Variants in ZFP28 observed in about 807,000 individuals in gnomAD.
The protein encoded by ZFP28 is zinc finger protein 28 homolog.
In ZFP28, 31 loss-of-function variants were observed where a neutral mutation model predicts 39.5. The observed-to-expected ratio is 0.79, with a 90% CI of 0.59 to 1.06. The LOEUF (loss-of-function observed/expected upper bound fraction) is 1.06. Among genes scored for constraint, ZFP28 ranks in the 50% least tolerant of loss-of-function variants. The pLI is 0.00. For synonymous variants in ZFP28, 400 were observed against 378.6 expected (o/e 1.06, Z -0.66); for missense variants, 925 against 1,048.4 (o/e 0.88, Z 1.63).
Position 56,547,266 on chromosome 19 carries a change from C to G in ZFP28, c.301-242C>G, listed in dbSNP as rs1436299213. On this transcript the variant is annotated intron_variant, in intron 2 of 7. Coordinates refer to ENST00000301318, the MANE Select transcript of ZFP28 (RefSeq NM_020828.2). This position sits in a 1 kb window ranked among gnomAD's most constrained non-coding sequence, Gnocchi z 4.6. ...TCCCTGTGCCTGCACACCGTGGTAT[C>G]TCTTCCTGTTTTAATAAGGACACCA... 22 of 517,166 alleles carry G rather than the reference C, an allele frequency of 4.3e-5. No individual in the cohort carries two copies. Among genetic ancestry groups the G allele is most frequent in the African/African-American group, 4.1e-4 (21 of 50,894 alleles). 32.0% of individuals were successfully genotyped at this position (517,166 alleles called of 1,614,324 possible).
chr19:56,551,439 C>G (rs1360083710), intron 7 of ZFP28: 1 of 985,336 alleles, frequency 1.0e-6, no homozygotes, highest in African/African-American at 1.7e-5. Context: ...GTTACGCATA[C>G]ACGTTTTTCA....
At chr19:56,541,080 C>G (rs150075654) in intron 2 of ZFP28, among the ~76,000 whole-genome samples, 3 of 152,334 alleles carry the variant, frequency 2.0e-5, no homozygotes, top group Non-Finnish European at 2.9e-5. Flanking sequence ...AACCTCTCCT[C>G]TGAGCCGCCG....
At chr19:56,553,661 T>A (rs200836556) in intron 7 of ZFP28, 23 bp from the exon 8 acceptor site, 188 of 1,537,196 alleles carry the variant, frequency 1.2e-4, no homozygotes, top group Non-Finnish European at 1.6e-4. Flanking sequence ...AAAGGAAATA[T>A]GTGTTTTCTT....
intron 2 of ZFP28, chr19:56,544,782 T>C (rs1205294193): frequency 6.6e-6 from 1 of 152,270 alleles, no homozygotes; most frequent in African/African-American, 2.4e-5. Context: ...TCAGCTATTG[T>C]TATTGCTGTT....
intron 4 of ZFP28, among the ~76,000 whole-genome samples, chr19:56,548,160 G>A (rs1600544939): frequency 6.6e-6 from 1 of 152,108 alleles, no homozygotes; most frequent in South Asian, 2.1e-4. Context: ...TAAAGCATTG[G>A]GAATCTTACA....
intron 1 of ZFP28, 92 bp downstream of exon 1, chr19:56,539,318 T>C: frequency 7.6e-7 from 1 of 1,320,216 alleles, no homozygotes. Context: ...GGGGACCAGT[T>C]GCTGGAGAAC....
rs1456365829 is a variant in ZFP28, at chr19:56,539,078, C to A, written c.60C>A (p.Ala20=). 2 of 1,532,146 alleles carry A rather than the reference C, an allele frequency of 1.3e-6. No homozygotes were observed. Among genetic ancestry groups the A allele is most frequent in the Admixed American group, 2.0e-5 (1 of 51,010 alleles). 94.9% of individuals were successfully genotyped at this position (1,532,146 alleles called of 1,614,324 possible). A position where few individuals can be genotyped will look rare whatever the true frequency, so the allele number is the denominator to read the frequency against. Residue 20 remains alanine, a synonymous_variant, in exon 1 of 8, where the codon GCC becomes GCA. Transcript: ENST00000301318. ...CGACGCCGCTCCCGGGTAGAGGCGCCCCCCGCACAAAGCCCCGGGCGGGCC... is the reference window on the plus strand; with the variant it reads ...CGACGCCGCTCCCGGGTAGAGGCGCACCCCGCACAAAGCCCCGGGCGGGCC... ...REPTPLPGRG[A]PRTKPRAGRG...
chr19:56,540,101 C>T (rs1172776281), intron 2 of ZFP28, among the ~76,000 whole-genome samples: 1 of 152,248 alleles, frequency 6.6e-6, no homozygotes, highest in Non-Finnish European at 1.5e-5. Context: ...GCCCTAGTCC[C>T]TGCTCTGGAG....
rs1211564607 is a variant in ZFP28 at position 56,550,497 on chromosome 19, T to C, written c.803-13T>C. On this transcript the variant is annotated splice_polypyrimidine_tract_variant and intron_variant, in intron 6 of 7. Coordinates refer to ENST00000301318, the MANE Select transcript of ZFP28 (RefSeq NM_020828.2). ...GACTATTGGCCAAACCTCATCTCTT[T>C]TCACTTTTTCAGGACATTGTGTGGC... 6.2e-7 allele frequency: 1 copy of C among 1,611,858 alleles called. No homozygotes were observed. Among genetic ancestry groups the C allele is most frequent in the South Asian group, 1.1e-5 (1 of 90,854 alleles).
At chr19:56,543,906 A>G (rs1246208932) in intron 2 of ZFP28, among the ~76,000 whole-genome samples, 1 of 152,228 alleles carries the variant, frequency 6.6e-6, no homozygotes, top group African/African-American at 2.4e-5. Context: ...TTTTAATAGA[A>G]GTAGAATGGC....
In ZFP28 at chr19:56,549,389, G is replaced by C. The variant is rs117318283; in HGVS notation, c.687+268G>C. 8.4e-3 allele frequency among the ~76,000 whole-genome samples: 1,283 copies of C among 152,220 alleles called. 6 individuals carry two copies. Among genetic ancestry groups the C allele is most frequent in the Non-Finnish European group, 0.014 (955 of 67,996 alleles). On this transcript the variant is annotated intron_variant, in intron 5 of 7. Transcript: ENST00000301318. ...CTTGTGATGAATGTAAGAAAGCTTT[G>C]AGCAGAGGCCAGGCGCGGTGGCTCA...
chr19:56,550,476 A>T (rs923433683), intron 6 of ZFP28, 34 bp from the exon 7 acceptor site: 1 of 1,508,266 alleles, frequency 6.6e-7, no homozygotes, highest in African/African-American at 1.4e-5. Context: ...TGCCAAGACT[A>T]TTGGCCAAAC....
intron 7 of ZFP28, chr19:56,551,600 G>T: frequency 1.0e-6 from 1 of 985,096 alleles, no homozygotes; most frequent in East Asian, 1.1e-4. Flanking sequence ...CACCTGCTAG[G>T]CTCTGAAAGT....
At chr19:56,551,122 G>A (rs938594421) in intron 7 of ZFP28, 7 of 1,022,126 alleles carry the variant, frequency 6.8e-6, no homozygotes, top group Non-Finnish European at 8.2e-6. Flanking sequence ...AGTAGAGTTT[G>A]CAGAATTTCA....
At chr19:56,550,219 G>A (rs199620304) in intron 6 of ZFP28, 38 bp downstream of exon 6, 28 of 1,551,576 alleles carry the variant, frequency 1.8e-5, no homozygotes, top group African/African-American at 9.4e-5. Flanking sequence ...ATCTATCGTC[G>A]GGTACCTCCA....
Position 56,539,257 on chromosome 19 carries a change from GA to G in ZFP28, c.208+32del, listed in dbSNP as rs760666805. On this transcript the variant is annotated intron_variant, in intron 1 of 7. Coordinates refer to ENST00000301318, the MANE Select transcript of ZFP28 (RefSeq NM_020828.2). ...AGTGACAGGTGTTTGGGGCCGAGCG[GA>G]CAGGGACGAATTCATCTCGGGATGA... 2.6e-6 allele frequency: 4 copies of G among 1,561,148 alleles called. No homozygotes were observed. In the East Asian group the frequency reaches 9.3e-5, roughly 36 times the overall value.
rs772883029 is a variant in ZFP28 at position 56,553,867 on chromosome 19, C to A, written c.1082C>A (p.Pro361Gln). The change falls in exon 8 of 8, where the codon CCA becomes CAA. Residue 361 changes from proline to glutamine, a missense_variant. By Grantham distance (76) the Pro-to-Gln change is moderately conservative. Around this residue, in one of 2 missense-constraint regions of ZFP28, gnomAD observed 556 missense variants for 542.9 expected, o/e 1.02. Transcript: ENST00000301318. ...VGQETQFRQE[P>Q]ITHNKTLSKE... ...CAAGAGACACAATTCAGGCAAGAGC[C>A]AATTACTCATAACAAAACCCTCTCT... 2 of 1,614,060 alleles carry A rather than the reference C, an allele frequency of 1.2e-6. No individual in the cohort carries two copies. The highest frequency in any genetic ancestry group is 4.5e-5 in the East Asian group (2 of 44,870).
intron 2 of ZFP28, among the ~76,000 whole-genome samples, chr19:56,545,299 T>C (rs1224193960): frequency 3.9e-5 from 6 of 152,218 alleles, no homozygotes; most frequent in South Asian, 4.1e-4. Context: ...GCAGTTGATA[T>C]TCACTCAAAT....
chr19:56,556,116 CTA>C lies in ZFP28; in HGVS notation c.*726_*727del, dbSNP rs559859465. Reference sequence around the variant, plus strand: ...CTGATCCAGAATAGGGGTCAGCAAACTATGACTCATGGCCACAGTCTCACTGA... The same window carrying C: ...CTGATCCAGAATAGGGGTCAGCAAACTGACTCATGGCCACAGTCTCACTGA... On this transcript the variant is annotated 3_prime_UTR_variant, in exon 8 of 8. Coordinates refer to ENST00000301318, the MANE Select transcript of ZFP28 (RefSeq NM_020828.2). The C allele has an allele frequency of 6.6e-6, 1 of 152,178 alleles. No individual in the cohort carries two copies. Among genetic ancestry groups the C allele is most frequent in the South Asian group, 2.1e-4 (1 of 4,834 alleles). The allele number at this position is 152,178 out of a possible 1,614,324, so 9.4% of individuals were successfully genotyped here. A position where few individuals can be genotyped will look rare whatever the true frequency, so the allele number is the denominator to read the frequency against.
Sources: allele counts gnomAD v4.1 joint callset (sites outside exome capture counted in the v4.1 genomes callset), GRCh38; gene constraint gnomAD v4.1.1; regional missense constraint gnomAD v4.1.1; non-coding constraint Gnocchi (gnomAD v3.1); transcripts MANE v1.5; gene names NCBI Gene and HGNC (gene_info 2026-07-23, HGNC 2026-07-21).